The following NFIB variants were observed in gnomAD, a reference collection of about 807,000 sequenced individuals.
NFIB encodes the protein nuclear factor I B.
A neutral mutation model predicts 61.5 loss-of-function variants in NFIB; 11 were observed. The ratio of observed to expected loss-of-function variants is 0.18; its 90% CI spans 0.11 to 0.30. The LOEUF is 0.30. NFIB is among the 10% of genes least tolerant of loss of function. The pLI is 1.00. For synonymous variants in NFIB, 260 were observed against 216.5 expected (o/e 1.20, Z -1.76); for missense variants, 471 against 608.9 (o/e 0.77, Z 2.38).
At chr9:14,137,173 G>T (rs2041151200) in intron 6 of NFIB, among the ~76,000 whole-genome samples, 1 of 152,156 alleles carries the variant, frequency 6.6e-6, no homozygotes, top group African/African-American at 2.4e-5. Context: ...AAATGTTGCT[G>T]TCTGGCTGAG....
chr9:14,129,061 G>C (rs13284590), intron 6 of NFIB, among the ~76,000 whole-genome samples: 27,626 of 151,844 alleles, frequency 0.18, 2,683 homozygotes, highest in African/African-American at 0.23. Context: ...ATAACGGTAC[G>C]TTCATAGAGG....
the NFIB span, among the ~76,000 whole-genome samples, chr9:14,487,337 T>G: frequency 2.0e-5 from 3 of 152,266 alleles, no homozygotes; most frequent in African/African-American, 7.2e-5. Flanking sequence ...GTTTGCATCC[T>G]GGTTACCCTT....
intron 2 of NFIB, among the ~76,000 whole-genome samples, chr9:14,222,836 G>A (rs529280352): frequency 1.0e-4 from 15 of 146,096 alleles, no homozygotes; most frequent in Middle Eastern, 3.8e-3. Context: ...AAAGAAATCC[G>A]TATTCCTTGC....
At chr9:14,452,407 A>AGACG in the NFIB span, among the ~76,000 whole-genome samples, 1 of 26,148 alleles carries the variant, frequency 3.8e-5, no homozygotes, top group Non-Finnish European at 6.3e-5. Context: ...AGACAGAGGG[A>AGACG]GATGGAAGGA....
At chr9:14,377,395 T>C (rs1372387794) in intron 1 of NFIB, among the ~76,000 whole-genome samples, 1 of 152,142 alleles carries the variant, frequency 6.6e-6, no homozygotes, top group Non-Finnish European at 1.5e-5. Flanking sequence ...TTTCTTTTAT[T>C]TTTCCTAGAA....
intron 6 of NFIB, among the ~76,000 whole-genome samples, chr9:14,131,302 T>G (rs2040374375): frequency 6.6e-6 from 1 of 152,238 alleles, no homozygotes; most frequent in South Asian, 2.1e-4. Flanking sequence ...TAAGCATCCC[T>G]TTAAATAAGT....
At chr9:14,466,444 G>C in the NFIB span, among the ~76,000 whole-genome samples, 4 of 151,970 alleles carry the variant, frequency 2.6e-5, no homozygotes, top group Admixed American at 2.0e-4. Context: ...ACTCTGGATC[G>C]CACCATCCTC....
the NFIB span, among the ~76,000 whole-genome samples, chr9:14,468,889 T>C: frequency 6.6e-6 from 1 of 152,196 alleles, no homozygotes; most frequent in Admixed American, 6.5e-5. Context: ...AAGACCACCA[T>C]TTGGAATAAA....
intron 2 of NFIB, among the ~76,000 whole-genome samples, chr9:14,272,505 C>T (rs2057698763): frequency 6.6e-6 from 1 of 152,010 alleles, no homozygotes; most frequent in Non-Finnish European, 1.5e-5. Flanking sequence ...TCTTCATCTT[C>T]CTGCAATATC....
the NFIB span, among the ~76,000 whole-genome samples, chr9:14,451,732 T>A: frequency 1.3e-5 from 2 of 152,210 alleles, no homozygotes; most frequent in African/African-American, 2.4e-5. Flanking sequence ...TAACATAGAA[T>A]ATGAAAACTT....
the NFIB span, among the ~76,000 whole-genome samples, chr9:14,428,275 T>A: frequency 6.6e-6 from 1 of 152,134 alleles, no homozygotes; most frequent in Admixed American, 6.6e-5. Context: ...AACATCTTGT[T>A]AAGACTGGAC....
At chr9:14,095,882 G>A (rs1355134263) in intron 10 of NFIB, among the ~76,000 whole-genome samples, 1 of 152,174 alleles carries the variant, frequency 6.6e-6, no homozygotes, top group Non-Finnish European at 1.5e-5. Flanking sequence ...TCCTGTGTGT[G>A]AAACAAAGTG....
rs1393633716 is a variant in NFIB at position 14,378,615 on chromosome 9, A to C, written c.108+19909T>G. Among the ~76,000 whole-genome samples, 3 of 152,220 alleles carry C rather than the reference A, an allele frequency of 2.0e-5. No homozygotes were observed. In the East Asian group the frequency reaches 5.8e-4, roughly 29 times the overall value. Reference sequence around the variant, plus strand: ...TGCAATCCACCCGCATGGGCCTCCCAAAGTGTTGGGATTACAGGCGTGAGC... The same window carrying C: ...TGCAATCCACCCGCATGGGCCTCCCCAAGTGTTGGGATTACAGGCGTGAGC... On this transcript the variant is annotated intron_variant, in intron 1 of 8. Coordinates refer to the NFIB transcript ENST00000380934.
intron 2 of NFIB, among the ~76,000 whole-genome samples, chr9:14,264,580 C>A (rs953798461): frequency 2.0e-5 from 3 of 151,978 alleles, no homozygotes; most frequent in African/African-American, 7.3e-5. Flanking sequence ...TGAGGATTAC[C>A]CAGATTACAG....
rs538193036 is a variant in NFIB at position 14,087,261 on chromosome 9, C to T, written c.*1048G>A. 9.8e-6 allele frequency: 2 copies of T among 204,904 alleles called. No individual in the cohort carries two copies. The highest frequency in any genetic ancestry group is 2.0e-5 in the Non-Finnish European group (2 of 99,798). 12.7% of individuals were successfully genotyped at this position (204,904 alleles called of 1,614,324 possible). On this transcript the variant is annotated 3_prime_UTR_variant, in exon 11 of 11. Transcript: ENST00000380953. The stretch of plus-strand genomic sequence containing the variant: ...GTGTTTTCATTAATTTTATTTTTCT[C>T]AAGCACATGATTTGTCTTGATTTAA...
rs185751538 is a variant in NFIB, at chr9:14,324,111, A to G, written c.109-16591T>C. On this transcript the variant is annotated intron_variant, in intron 1 of 8. Transcript: ENST00000380934. The stretch of plus-strand genomic sequence containing the variant: ...CTCCACACTCAGCTATAACTTCCCA[A>G]GGAAAATTAATTTTTAATGTTTATC... Among the ~76,000 whole-genome samples, 7 of 152,322 alleles carry G rather than the reference A, an allele frequency of 4.6e-5. No individual in the cohort carries two copies. The East Asian group carries it at 1.3e-3, about 29-fold the overall frequency.
chr9:14,465,891 G>C, the NFIB span, among the ~76,000 whole-genome samples: 1 of 152,118 alleles, frequency 6.6e-6, no homozygotes, highest in Non-Finnish European at 1.5e-5. Flanking sequence ...TCCCAGTTGT[G>C]ACAATCGAAA....
chr9:14,245,029 T>A (rs974233069), intron 2 of NFIB, among the ~76,000 whole-genome samples: 1 of 152,216 alleles, frequency 6.6e-6, no homozygotes, highest in African/African-American at 2.4e-5. Flanking sequence ...TGGTTCTCTT[T>A]ATCACCCTCT....
intron 6 of NFIB, among the ~76,000 whole-genome samples, chr9:14,135,558 A>C (rs2040944906): frequency 6.6e-6 from 1 of 152,234 alleles, no homozygotes; most frequent in South Asian, 2.1e-4. Flanking sequence ...CCAAGTTAAC[A>C]AAAAGCTCTG....
Sources: gnomAD v4.1 joint callset for allele counts (sites outside exome capture counted in the v4.1 genomes callset) on GRCh38, gnomAD v4.1.1 for gene constraint, MANE v1.5 for transcripts, NCBI Gene and HGNC (gene_info 2026-07-23, HGNC 2026-07-21) for gene names.